The following TSEN15 variants were observed in gnomAD, a reference collection of about 807,000 sequenced individuals.
The protein encoded by TSEN15 is tRNA-splicing endonuclease subunit Sen15.
Under a neutral mutation model 20.5 loss-of-function variants are expected in TSEN15, and 10 were observed. The observed-to-expected ratio is 0.49, with a 90% CI of 0.30 to 0.83. TSEN15 has a LOEUF of 0.83. TSEN15 is among the 40% of genes least tolerant of loss of function. The pLI is 0.06. For missense variants in TSEN15, 180 were observed against 218.6 expected (o/e 0.82, Z 1.11); for synonymous variants, 72 against 80.1 (o/e 0.90, Z 0.54).
intron 3 of TSEN15, among the ~76,000 whole-genome samples, chr1:184,067,166 A>G (rs1365239267): frequency 6.6e-6 from 1 of 151,904 alleles, no homozygotes; most frequent in African/African-American, 2.4e-5. Flanking sequence ...CCATTTTCTC[A>G]TACCCCCAAA....
chr1:184,058,241 G>A (rs1355617792), intron 3 of TSEN15: 1 of 413,004 alleles, frequency 2.4e-6, no homozygotes, highest in Admixed American at 2.9e-5. Flanking sequence ...TGATAACTTG[G>A]TAAGCCATTT....
intron 1 of TSEN15, among the ~76,000 whole-genome samples, chr1:184,052,939 C>T (rs945598882): frequency 6.6e-6 from 1 of 152,038 alleles, no homozygotes; most frequent in East Asian, 1.9e-4. Context: ...GTTTCCTCAC[C>T]TGAAAAATGG....
intron 3 of TSEN15, among the ~76,000 whole-genome samples, chr1:184,084,740 C>T (rs762645314): frequency 6.6e-6 from 1 of 151,832 alleles, no homozygotes; most frequent in Non-Finnish European, 1.5e-5. Context: ...GTCAAATTAG[C>T]CCTTTATAAT....
downstream of TSEN15, among the ~76,000 whole-genome samples, chr1:184,078,736 A>G (rs1305404794): frequency 2.0e-5 from 3 of 152,224 alleles, no homozygotes; most frequent in East Asian, 5.8e-4. Flanking sequence ...TACAATTAGA[A>G]TAGAAGAGTA....
At chr1:184,082,618 A>G (rs1028615876) in intron 3 of TSEN15, among the ~76,000 whole-genome samples, 1 of 152,052 alleles carries the variant, frequency 6.6e-6, no homozygotes, top group African/African-American at 2.4e-5. Flanking sequence ...GTCAGAGCGG[A>G]GGGCACGGAC....
chr1:184,096,999 C>G (rs1651466602), exon 4 of TSEN15: 1 of 152,166 alleles, frequency 6.6e-6, no homozygotes, highest in African/African-American at 2.4e-5. Flanking sequence ...CCACATGGAC[C>G]TGTGGGCTGC....
Position 184,072,940 on chromosome 1 carries a change from C to T in TSEN15, c.*93C>T, listed in dbSNP as rs1650943834. On this transcript the variant is annotated 3_prime_UTR_variant, in exon 5 of 5. Transcript: ENST00000645668. Reference sequence around the variant, plus strand: ...TCTTTTATCTCAGAAATAGGGTTGACGTACATAGTGAGGGTTGACTTCCCC... The same window carrying T: ...TCTTTTATCTCAGAAATAGGGTTGATGTACATAGTGAGGGTTGACTTCCCC... The T allele has an allele frequency of 6.3e-6, 8 of 1,273,234 alleles. No individual in the cohort carries two copies. The Admixed American group carries it at 7.1e-5, about 11-fold the overall frequency. 78.9% of individuals were successfully genotyped at this position (1,273,234 alleles called of 1,614,324 possible).
Position 184,088,273 on chromosome 1 carries a change from G to A in TSEN15, c.354-7417G>A, listed in dbSNP as rs555434832. On this transcript the variant is annotated intron_variant, in intron 3 of 3. Coordinates refer to the TSEN15 transcript ENST00000643231. ...CCCTGGGCAGGCTGTGAAGGCCAGA[G>A]CTCACTGAGGGGAGTAGGAAGGGGA... Among the ~76,000 whole-genome samples the A allele has an allele frequency of 9.4e-4, 143 of 152,316 alleles. 2 individuals carry two copies. Among genetic ancestry groups the A allele is most frequent in the Admixed American group, 9.1e-3 (139 of 15,294 alleles).
Position 184,072,942 on chromosome 1 carries a change from T to G in TSEN15, c.*95T>G. The G allele has an allele frequency of 7.9e-7, 1 of 1,266,956 alleles. No individual in the cohort carries two copies. The highest frequency in any genetic ancestry group is 1.3e-5 in the South Asian group (1 of 74,722). The allele number at this position is 1,266,956 out of a possible 1,614,324, so 78.5% of individuals were successfully genotyped here. ...TTTTATCTCAGAAATAGGGTTGACG[T>G]ACATAGTGAGGGTTGACTTCCCCAT... On this transcript the variant is annotated 3_prime_UTR_variant, in exon 5 of 5. Transcript: ENST00000645668.
chr1:184,093,192 G>T (rs1443172358), intron 3 of TSEN15, among the ~76,000 whole-genome samples: 2 of 152,204 alleles, frequency 1.3e-5, no homozygotes, highest in East Asian at 1.9e-4. Flanking sequence ...ATATTGAGTT[G>T]CAAAGCTTTT....
chr1:184,094,855 G>A (rs1002693441), intron 3 of TSEN15: 2 of 394,512 alleles, frequency 5.1e-6, no homozygotes, highest in Non-Finnish European at 8.9e-6. Context: ...AAGGATAAGA[G>A]GTGGGTCACC....
At position 184,054,712 on chromosome 1, in the gene TSEN15, A is replaced by G. The variant is rs79391429; in HGVS notation, c.218-16A>G. On this transcript the variant is annotated splice_polypyrimidine_tract_variant and intron_variant, in intron 2 of 4. Coordinates refer to ENST00000645668, the MANE Select transcript of TSEN15 (RefSeq NM_052965.4). ...ATTTAATAAACATTATTGTCCATTC[A>G]ATGATGCTCTTTCAGGCAAAAGCTG... The G allele has an allele frequency of 2.0e-3, 3,267 of 1,609,648 alleles. 117 individuals are homozygous for G. In the East Asian group the frequency reaches 0.062, roughly 31 times the overall value.
At chr1:184,075,182 C>T (rs1471412648), downstream of TSEN15, among the ~76,000 whole-genome samples, 1 of 152,072 alleles carries the variant, frequency 6.6e-6, no homozygotes, top group Non-Finnish European at 1.5e-5. Flanking sequence ...ACTCTTTAAA[C>T]TAGGATTGAA....
intron 3 of TSEN15, among the ~76,000 whole-genome samples, chr1:184,065,183 TACACAC>T (rs34263893): frequency 2.7e-5 from 4 of 150,020 alleles, no homozygotes; most frequent in Admixed American, 2.7e-4. Context: ...TTAAAATGTA[TACACAC>T]ACACACACAC....
At chr1:184,054,901 TA>T in intron 3 of TSEN15, 38 bp downstream of exon 3, 1 of 1,593,872 alleles carries the variant, frequency 6.3e-7, no homozygotes. Context: ...CTTTCCCGAG[TA>T]AAGCAGTAGG....
At chr1:184,078,494 G>T (rs867612798), downstream of TSEN15, among the ~76,000 whole-genome samples, 19 of 152,254 alleles carry the variant, frequency 1.2e-4, no homozygotes, top group African/African-American at 4.3e-4. Context: ...ATGAAAGAGG[G>T]AAATGGCATG....
In TSEN15 at chr1:184,072,971, A is replaced by T. The variant is rs189140175; in HGVS notation, c.*124A>T. On this transcript the variant is annotated 3_prime_UTR_variant, in exon 5 of 5. Coordinates refer to ENST00000645668, the MANE Select transcript of TSEN15 (RefSeq NM_052965.4). ...TAGTGAGGGTTGACTTCCCCATTCC[A>T]TAAGGTTTTCATTCTGAAGAGTAAA... The T allele has an allele frequency of 7.6e-6, 7 of 920,958 alleles. No homozygotes were observed. In the African/African-American group the frequency reaches 1.2e-4, roughly 16 times the overall value. 57.0% of individuals were successfully genotyped at this position (920,958 alleles called of 1,614,324 possible). A position where few individuals can be genotyped will look rare whatever the true frequency, so the allele number is the denominator to read the frequency against.
At chr1:184,075,941 G>A (rs1465273707), downstream of TSEN15, among the ~76,000 whole-genome samples, 5 of 147,736 alleles carry the variant, frequency 3.4e-5, no homozygotes, top group East Asian at 9.9e-4. Flanking sequence ...ATGAAAGTAT[G>A]CATTTTAGTT....
At chr1:184,060,579 A>G (rs978204480) in intron 3 of TSEN15, among the ~76,000 whole-genome samples, 1 of 152,270 alleles carries the variant, frequency 6.6e-6, no homozygotes, top group African/African-American at 2.4e-5. Context: ...TTTGCAGAGA[A>G]TGTTACAGAA....
Sources: allele counts gnomAD v4.1 joint callset (sites outside exome capture counted in the v4.1 genomes callset), GRCh38; gene constraint gnomAD v4.1.1; transcripts MANE v1.5; gene names NCBI Gene and HGNC (gene_info 2026-07-23, HGNC 2026-07-21).